GAB2: variants seen among roughly 807,000 people sequenced by gnomAD.
The protein encoded by GAB2 is GRB2-associated-binding protein 2.
GAB2 carries 26 observed loss-of-function variants against 65.5 expected under a neutral mutation model. The ratio of observed to expected loss-of-function variants is 0.40; its 90% CI spans 0.29 to 0.55. GAB2 has a LOEUF of 0.55. Among genes scored for constraint, GAB2 ranks in the 20% least tolerant of loss-of-function variants. GAB2 has a pLI of 0.53. For synonymous variants in GAB2, 321 were observed against 329.6 expected, an observed-to-expected ratio of 0.97 and a Z score of 0.28; for missense variants, 884 against 875.8, an observed-to-expected ratio of 1.01 and a Z score of -0.12.
intron 1 of GAB2, among the ~76,000 whole-genome samples, chr11:78,414,087 CAAAAA>C (rs34915163): frequency 2.4e-5 from 2 of 83,290 alleles, no homozygotes; most frequent in Non-Finnish European, 2.6e-5. Context: ...AACTCTGTCT[CAAAAA>C]AAAAAAAAAA....
rs1449571752 is a variant in GAB2, at chr11:78,215,817, C to G, written c.*3455G>C. 4 of 152,672 alleles carry G rather than the reference C, an allele frequency of 2.6e-5. No individual in the cohort carries two copies. Among genetic ancestry groups the G allele is most frequent in the Non-Finnish European group, 4.4e-5 (3 of 68,088 alleles). 9.5% of individuals were successfully genotyped at this position (152,672 alleles called of 1,614,324 possible). A position where few individuals can be genotyped will look rare whatever the true frequency, so the allele number is the denominator to read the frequency against. On this transcript the variant is annotated 3_prime_UTR_variant, in exon 10 of 10. Coordinates refer to ENST00000361507, the MANE Select transcript of GAB2 (RefSeq NM_080491.3). ...GCTCCTGAGACCAGTCTGGCTTCCC[C>G]TGCATTTTATGAAGGCCCAGATGGG... is the stretch of plus-strand genomic sequence containing the variant.
At chr11:78,238,206 CAA>C (rs10541492) in intron 3 of GAB2, among the ~76,000 whole-genome samples, 20,016 of 105,464 alleles carry the variant, frequency 0.19, 1,386 homozygotes, top group East Asian at 0.38. Context: ...AGGGAAGAAA[CAA>C]AAAAAAAAAA....
At chr11:78,271,886 G>C (rs1866019093) in intron 2 of GAB2, among the ~76,000 whole-genome samples, 1 of 152,174 alleles carries the variant, frequency 6.6e-6, no homozygotes. Context: ...GGAGGTAATT[G>C]AATCATGGAG....
At chr11:78,336,980 G>C (rs998852664) in intron 1 of GAB2, among the ~76,000 whole-genome samples, 1 of 152,186 alleles carries the variant, frequency 6.6e-6, no homozygotes, top group Non-Finnish European at 1.5e-5. Flanking sequence ...GTATTCAACT[G>C]CTCAGAAATC....
intron 1 of GAB2, chr11:78,387,960 C>T (rs1856789604): frequency 6.6e-6 from 1 of 152,016 alleles, no homozygotes; most frequent in African/African-American, 2.4e-5. Context: ...TGAAGGTTAA[C>T]TAATACATAA....
At chr11:78,350,404 T>C (rs1452561880) in intron 1 of GAB2, among the ~76,000 whole-genome samples, 1 of 152,232 alleles carries the variant, frequency 6.6e-6, no homozygotes, top group Non-Finnish European at 1.5e-5. Context: ...GTTTTTCAAC[T>C]TTTAACAAAG....
At chr11:78,363,040 C>T (rs996736420) in intron 1 of GAB2, among the ~76,000 whole-genome samples, 3 of 152,110 alleles carry the variant, frequency 2.0e-5, no homozygotes, top group Non-Finnish European at 2.9e-5. Flanking sequence ...TAAACAACCT[C>T]CCAGTAACTA....
chr11:78,363,865 T>C (rs545436993), intron 1 of GAB2, among the ~76,000 whole-genome samples: 134 of 152,236 alleles, frequency 8.8e-4, no homozygotes, highest in Non-Finnish European at 1.6e-3. Context: ...AATGTAGGCA[T>C]GAGCCACTGT....
intron 1 of GAB2, among the ~76,000 whole-genome samples, chr11:78,375,301 C>CA (rs1274531672): frequency 2.0e-5 from 3 of 152,216 alleles, no homozygotes; most frequent in African/African-American, 7.2e-5. Flanking sequence ...CACAACTATT[C>CA]ACTTTCATTT....
At chr11:78,233,039 A>ATTTT (rs1350871175) in intron 3 of GAB2, among the ~76,000 whole-genome samples, 1 of 116,814 alleles carries the variant, frequency 8.6e-6, no homozygotes, top group Non-Finnish European at 1.7e-5. Context: ...GGCACTGTTA[A>ATTTT]GTTTTTTTTT....
intron 1 of GAB2, among the ~76,000 whole-genome samples, chr11:78,292,189 C>T (rs955485633): frequency 6.6e-6 from 1 of 152,166 alleles, no homozygotes; most frequent in Non-Finnish European, 1.5e-5. Context: ...TAACCATAAA[C>T]CTCACTTCAT....
intron 1 of GAB2, among the ~76,000 whole-genome samples, chr11:78,335,048 A>G (rs1044847481): frequency 2.0e-5 from 3 of 152,230 alleles, no homozygotes; most frequent in African/African-American, 4.8e-5. Flanking sequence ...TCTTCCTTCA[A>G]AAAATGTCTA....
chr11:78,404,657 C>A (rs185254940), intron 1 of GAB2, among the ~76,000 whole-genome samples: 2 of 152,318 alleles, frequency 1.3e-5, no homozygotes, highest in Admixed American at 1.3e-4. Context: ...AAGCCAGGAA[C>A]AGAAATTTAA....
intron 2 of GAB2, among the ~76,000 whole-genome samples, chr11:78,279,870 A>C (rs1806964042): frequency 6.6e-6 from 1 of 152,186 alleles, no homozygotes; most frequent in African/African-American, 2.4e-5. Context: ...ATTCTTGTAC[A>C]AGTGTTTGTG....
chr11:78,287,551 T>C (rs1206501558), intron 1 of GAB2, among the ~76,000 whole-genome samples: 1 of 152,148 alleles, frequency 6.6e-6, no homozygotes, highest in Non-Finnish European at 1.5e-5. Context: ...ATGCTGTGAT[T>C]ACAAGTGTGA....
chr11:78,287,085 T>C (rs1866504493), intron 1 of GAB2, among the ~76,000 whole-genome samples: 1 of 152,234 alleles, frequency 6.6e-6, no homozygotes, highest in Admixed American at 6.5e-5. Flanking sequence ...TGATTCCATA[T>C]TTGAAATCCG....
intron 1 of GAB2, among the ~76,000 whole-genome samples, chr11:78,390,360 AG>A (rs1443417075): frequency 3.9e-5 from 6 of 152,172 alleles, no homozygotes; most frequent in Non-Finnish European, 5.9e-5. Context: ...CCAAGGCAGG[AG>A]GATCACTTGA....
In GAB2 at chr11:78,217,889, A is replaced by T. The variant is rs1161052289; in HGVS notation, c.*1383T>A. The T allele has an allele frequency of 6.6e-6, 1 of 152,350 alleles. No homozygotes were observed. Among genetic ancestry groups the T allele is most frequent in the African/African-American group, 2.4e-5 (1 of 41,396 alleles). The allele number at this position is 152,350 out of a possible 1,614,324, so 9.4% of individuals were successfully genotyped here. On this transcript the variant is annotated 3_prime_UTR_variant, in exon 10 of 10. Transcript: ENST00000361507. ...AGCCCATGGGCACAAGCTGTCAGCC[A>T]TGCCTGATGTGGTCCTCTAGGCATC...
chr11:78,395,745 G>C (rs1856887890), intron 1 of GAB2, among the ~76,000 whole-genome samples: 1 of 152,130 alleles, frequency 6.6e-6, no homozygotes, highest in African/African-American at 2.4e-5. Flanking sequence ...ACAGGCTAAG[G>C]TTGCCATTAT....
Sources: gnomAD v4.1 joint callset for allele counts (sites outside exome capture counted in the v4.1 genomes callset) on GRCh38, gnomAD v4.1.1 for gene constraint, MANE v1.5 for transcripts, NCBI Gene and HGNC (gene_info 2026-07-23, HGNC 2026-07-21) for gene names.